Variants in NEDD4L observed in about 807,000 individuals in gnomAD.
NEDD4L encodes the protein NEDD4 like E3 ubiquitin protein ligase.
In NEDD4L, 54 loss-of-function variants were observed where a neutral mutation model predicts 148.9. The observed-to-expected ratio is 0.36, with a 90% CI of 0.29 to 0.45. NEDD4L has a LOEUF of 0.45. NEDD4L is among the 20% of genes least tolerant of loss of function. NEDD4L has a pLI of 1.00. For missense variants in NEDD4L, 856 were observed against 1,233.8 expected (o/e 0.69, Z 4.59); for synonymous variants, 433 against 440.7 (o/e 0.98, Z 0.22).
chr18:58,341,794 G>A lies in NEDD4L; in HGVS notation c.1374G>A (p.Leu458=), dbSNP rs1382024963. Residue 458 remains leucine, a synonymous_variant, in exon 15 of 31, where the codon CTG becomes CTA. Transcript: ENST00000400345. ...SSPTVTLSAP[L]EGAKDSPVRR... Reference sequence around the variant, plus strand: ...CAACAGTAACTTTATCTGCCCCGCTGGAGGTGAGACGGCTACCTCATCTAA... The same window carrying A: ...CAACAGTAACTTTATCTGCCCCGCTAGAGGTGAGACGGCTACCTCATCTAA... 1 of 1,612,580 alleles carries A rather than the reference G, an allele frequency of 6.2e-7. No homozygotes were observed. Among genetic ancestry groups the A allele is most frequent in the African/African-American group, 1.3e-5 (1 of 74,910 alleles).
intron 2 of NEDD4L, among the ~76,000 whole-genome samples, chr18:58,179,549 A>G (rs1339926082): frequency 6.6e-6 from 1 of 152,148 alleles, no homozygotes; most frequent in Non-Finnish European, 1.5e-5. Context: ...GTAGGCGGGC[A>G]AAACTTCCTC....
intron 5 of NEDD4L, among the ~76,000 whole-genome samples, chr18:58,305,540 AAG>A (rs1224411163): frequency 1.3e-5 from 2 of 152,154 alleles, no homozygotes; most frequent in African/African-American, 4.8e-5. Context: ...CTCTGTCATA[AAG>A]AGACTAGAAA....
intron 3 of NEDD4L, among the ~76,000 whole-genome samples, chr18:58,246,541 C>G (rs138324563): frequency 6.6e-6 from 1 of 152,032 alleles, no homozygotes; most frequent in Non-Finnish European, 1.5e-5. Flanking sequence ...CTCAGCTCAC[C>G]GCAACCTTTG....
intron 1 of NEDD4L, among the ~76,000 whole-genome samples, chr18:58,095,477 G>GCAGAGAGGCAGTGAGGGACA (rs11268037): frequency 6.6e-6 from 1 of 152,004 alleles, no homozygotes; most frequent in African/African-American, 2.4e-5. Flanking sequence ...TCTGTCTGCA[G>GCAGAGAGGCAGTGAGGGACA]CACTGAGGCC....
intron 1 of NEDD4L, among the ~76,000 whole-genome samples, chr18:58,114,668 T>C (rs376390032): frequency 2.5e-4 from 15 of 59,820 alleles, no homozygotes; most frequent in African/African-American, 1.1e-3. Flanking sequence ...CTATTATATC[T>C]CATAGTCATA....
intron 9 of NEDD4L, among the ~76,000 whole-genome samples, chr18:58,327,067 G>A (rs2059372789): frequency 6.6e-6 from 1 of 152,134 alleles, no homozygotes; most frequent in African/African-American, 2.4e-5. Flanking sequence ...ATAACTTGCT[G>A]GCTCTTCACT....
intron 28 of NEDD4L, 75 bp from the exon 29 acceptor site, chr18:58,390,571 C>T: frequency 1.1e-6 from 1 of 895,782 alleles, no homozygotes; most frequent in Non-Finnish European, 1.8e-6. Flanking sequence ...AGATTAAGTT[C>T]TGCCTGCCTG....
chr18:58,221,564 C>G (rs1420284905), intron 2 of NEDD4L: 3 of 985,440 alleles, frequency 3.0e-6, no homozygotes, highest in Non-Finnish European at 3.6e-6. Flanking sequence ...TGGGCGCATT[C>G]CTTCTCAGTT....
At chr18:58,131,380 G>C (rs2032117146) in intron 1 of NEDD4L, among the ~76,000 whole-genome samples, 2 of 148,176 alleles carry the variant, frequency 1.3e-5, no homozygotes, top group African/African-American at 2.6e-5. Context: ...CTCTGTTGGG[G>C]TTTGGTTGTG....
intron 24 of NEDD4L, among the ~76,000 whole-genome samples, chr18:58,376,449 A>G (rs2047569314): frequency 6.6e-6 from 1 of 152,144 alleles, no homozygotes; most frequent in African/African-American, 2.4e-5. Flanking sequence ...TTAACAGGGA[A>G]CTCACGTATT....
In NEDD4L at chr18:58,366,042, A is replaced by C. The variant is rs1008436842; in HGVS notation, c.1877A>C (p.Asn626Thr). 5 of 1,612,802 alleles carry C rather than the reference A, an allele frequency of 3.1e-6. No individual in the cohort carries two copies. The African/African-American group carries it at 6.7e-5, about 22-fold the overall frequency. ...NRFEMKLHRNNIFEESYRRIM... is the reference protein window; with the variant it reads ...NRFEMKLHRNTIFEESYRRIM... Reference sequence around the variant, plus strand: ...TTTGAAATGAAACTTCACAGAAATAACATATTTGAAGAGTCCTATCGGAGA... The same window carrying C: ...TTTGAAATGAAACTTCACAGAAATACCATATTTGAAGAGTCCTATCGGAGA... Residue 626 changes from asparagine (N) to threonine (T), a missense_variant, in exon 21 of 31, where the codon AAC becomes ACC. Physicochemically the swap from Asn to Thr is moderately conservative, Grantham distance 65. Around this residue, in one of 4 missense-constraint regions of NEDD4L, gnomAD observed 286 missense variants for 531.8 expected, o/e 0.54. Coordinates refer to ENST00000400345, the MANE Select transcript of NEDD4L (RefSeq NM_001144967.3). This position sits in a 1 kb window ranked among gnomAD's most constrained non-coding sequence, Gnocchi z 4.2.
intron 1 of NEDD4L, among the ~76,000 whole-genome samples, chr18:58,056,609 C>G (rs1289924011): frequency 6.6e-6 from 1 of 151,972 alleles, no homozygotes; most frequent in Non-Finnish European, 1.5e-5. Context: ...TCAAGACAGT[C>G]TCACTCTGTA....
rs183870661 is a variant in NEDD4L at position 58,138,080 on chromosome 18, C to A, written c.49-27708C>A. On this transcript the variant is annotated intron_variant, in intron 1 of 30. Coordinates refer to ENST00000400345, the MANE Select transcript of NEDD4L (RefSeq NM_001144967.3). The stretch of plus-strand genomic sequence containing the variant: ...TGCTCTCCTGCCGCCCCACTGAAGA[C>A]TTCCTTCACCTCTCTTGGACGTTAG... Among the ~76,000 whole-genome samples, 3 of 152,358 alleles carry A rather than the reference C, an allele frequency of 2.0e-5. 1 individual carries two copies. In the East Asian group the frequency reaches 5.8e-4, roughly 29 times the overall value.
intron 5 of NEDD4L, among the ~76,000 whole-genome samples, chr18:58,261,589 T>C (rs1403645872): frequency 6.6e-6 from 1 of 152,248 alleles, no homozygotes; most frequent in Non-Finnish European, 1.5e-5. Context: ...TAATACATAC[T>C]GATAAGAAAC....
intron 1 of NEDD4L, among the ~76,000 whole-genome samples, chr18:58,157,865 G>A (rs150130124): frequency 3.7e-4 from 57 of 152,344 alleles, no homozygotes; most frequent in African/African-American, 1.3e-3. Context: ...AAATGAGACT[G>A]TAATTATTGC....
At chr18:58,369,977 A>AACTCTCCAG (rs2046635925) in intron 22 of NEDD4L, among the ~76,000 whole-genome samples, 1 of 152,128 alleles carries the variant, frequency 6.6e-6, no homozygotes, top group South Asian at 2.1e-4. Flanking sequence ...AGAGCACCCC[A>AACTCTCCAG]ACTCTCCAGC....
At chr18:58,140,602 T>A (rs1015495185) in intron 1 of NEDD4L, among the ~76,000 whole-genome samples, 2 of 152,226 alleles carry the variant, frequency 1.3e-5, no homozygotes, top group African/African-American at 4.8e-5. Context: ...AAAATGCCAA[T>A]CAGGTTGCTT....
At chr18:58,067,878 T>A (rs1248851646) in intron 1 of NEDD4L, among the ~76,000 whole-genome samples, 1 of 152,162 alleles carries the variant, frequency 6.6e-6, no homozygotes, top group Non-Finnish European at 1.5e-5. Flanking sequence ...TGTATCTGTG[T>A]CGAGGTTGGG....
intron 1 of NEDD4L, among the ~76,000 whole-genome samples, chr18:58,160,850 T>C (rs2036109824): frequency 6.6e-6 from 1 of 152,044 alleles, no homozygotes; most frequent in South Asian, 2.1e-4. Flanking sequence ...CAGAGAGGAG[T>C]AAAATTTCCT....
Sources: gnomAD v4.1 joint callset for allele counts (sites outside exome capture counted in the v4.1 genomes callset) on GRCh38, gnomAD v4.1.1 for gene constraint, gnomAD v4.1.1 regional missense constraint, Gnocchi (gnomAD v3.1) non-coding constraint, MANE v1.5 for transcripts, NCBI Gene and HGNC (gene_info 2026-07-23, HGNC 2026-07-21) for gene names.